CFTR: variants seen among roughly 807,000 people sequenced by gnomAD.
The protein encoded by CFTR is CF transmembrane conductance regulator.
CFTR carries 181 observed loss-of-function variants against 171.6 expected under a neutral mutation model. That is an observed-to-expected ratio of 1.05 (90% CI 0.93 to 1.19). The LOEUF (loss-of-function observed/expected upper bound fraction) is 1.19. Ranked by LOEUF, CFTR falls within the 50% of genes most tolerant of loss-of-function variation. The pLI is 0.00. For synonymous variants in CFTR, 583 were observed against 608.0 expected, an observed-to-expected ratio of 0.96 and a Z score of 0.60; for missense variants, 1,968 against 1,734.7, an observed-to-expected ratio of 1.13 and a Z score of -2.39.
chr7:117,510,579 A>G (rs921890320), intron 3 of CFTR, among the ~76,000 whole-genome samples: 2 of 152,214 alleles, frequency 1.3e-5, no homozygotes, highest in African/African-American at 4.8e-5. Flanking sequence ...CCTAAGCACT[A>G]CTGAGTAGAA....
chr7:117,628,774 G>A (rs1792693824), intron 22 of CFTR, among the ~76,000 whole-genome samples: 1 of 152,094 alleles, frequency 6.6e-6, no homozygotes, highest in Non-Finnish European at 1.5e-5. Context: ...TAGGATGTGC[G>A]AAAAGTCCCT....
chr7:117,553,402 C>T (rs1799302772), intron 10 of CFTR, among the ~76,000 whole-genome samples: 1 of 152,084 alleles, frequency 6.6e-6, no homozygotes, highest in African/African-American at 2.4e-5. Context: ...TATCATTTAG[C>T]ACATCTGCAA....
At chr7:117,661,983 GAAAAAAAAAAA>G (rs57319132) in intron 24 of CFTR, among the ~76,000 whole-genome samples, 8 of 87,538 alleles carry the variant, frequency 9.1e-5, no homozygotes, top group Non-Finnish European at 2.4e-5. Flanking sequence ...TAATTTTACT[GAAAAAAAAAAA>G]AAAAAAAAAA....
At chr7:117,642,416 TC>T in intron 22 of CFTR, 21 bp from the exon 23 acceptor site, 1 of 1,608,180 alleles carries the variant, frequency 6.2e-7, no homozygotes. Context: ...ACAGAAGTGA[TC>T]CCATCACTTT....
At chr7:117,615,366 A>G (rs1373215495) in intron 21 of CFTR, among the ~76,000 whole-genome samples, 1 of 151,936 alleles carries the variant, frequency 6.6e-6, no homozygotes, top group Non-Finnish European at 1.5e-5. Context: ...GAAGCTTTTA[A>G]GTTTAATAAA....
chr7:117,642,976 A>G (rs1308957139), intron 23 of CFTR, among the ~76,000 whole-genome samples: 1 of 152,168 alleles, frequency 6.6e-6, no homozygotes, highest in Admixed American at 6.6e-5. Context: ...AACACTTGGA[A>G]TCATGAGGTA....
chr7:117,589,403 T>G (rs1469430453), intron 12 of CFTR, among the ~76,000 whole-genome samples: 1 of 152,000 alleles, frequency 6.6e-6, no homozygotes, highest in African/African-American at 2.4e-5. Context: ...CTGAATACAA[T>G]TTTCTTTATT....
chr7:117,566,152 G>T (rs1791598008), intron 11 of CFTR, among the ~76,000 whole-genome samples: 2 of 152,168 alleles, frequency 1.3e-5, no homozygotes, highest in African/African-American at 2.4e-5. Context: ...AGGTATTTGA[G>T]GCCAGGCGTG....
intron 22 of CFTR, among the ~76,000 whole-genome samples, chr7:117,641,790 A>G (rs1792918986): frequency 6.6e-6 from 1 of 152,176 alleles, no homozygotes; most frequent in South Asian, 2.1e-4. Context: ...TCTTTTCCTT[A>G]CTATACATTT....
chr7:117,570,252 AAGAC>A (rs1245796396), intron 11 of CFTR, among the ~76,000 whole-genome samples: 1 of 152,102 alleles, frequency 6.6e-6, no homozygotes. Flanking sequence ...AAGAGGCAGA[AAGAC>A]AGAAGGTCCT....
rs1554392764 is a variant in CFTR, at chr7:117,614,610, T to TAGGAGA, written c.3376_3381dup. On this transcript the variant is annotated splice_polypyrimidine_tract_variant and splice_region_variant and intron_variant, in intron 20 of 26. Coordinates refer to ENST00000003084, the MANE Select transcript of CFTR (RefSeq NM_000492.4). Reference sequence around the variant, plus strand: ...TTCATTTACGTCTTTTGTGCATCTATAGGAGAAGGAGAAGGAAGAGTTGGT... The same window carrying TAGGAGA: ...TTCATTTACGTCTTTTGTGCATCTATAGGAGAAGGAGAAGGAGAAGGAAGAGTTGGT... The TAGGAGA allele has an allele frequency of 6.3e-7, 1 of 1,594,968 alleles. No homozygotes were observed. Among genetic ancestry groups the TAGGAGA allele is most frequent in the South Asian group, 1.1e-5 (1 of 90,694 alleles).
In CFTR at chr7:117,534,493, T is replaced by C. The variant is rs189167747; in HGVS notation, c.579+128T>C. Reference sequence around the variant, plus strand: ...TCTTGCTCAGCTCTAGCTTCCCTATTCTGGAAACTAAGAAAGGTCAATTGT... The same window carrying C: ...TCTTGCTCAGCTCTAGCTTCCCTATCCTGGAAACTAAGAAAGGTCAATTGT... On this transcript the variant is annotated intron_variant, in intron 5 of 26. Transcript: ENST00000003084. The C allele has an allele frequency of 2.5e-4, 172 of 675,014 alleles. 1 individual carries two copies. The highest frequency in any genetic ancestry group is 2.4e-3 in the African/African-American group (137 of 56,276). 41.8% of individuals were successfully genotyped at this position (675,014 alleles called of 1,614,324 possible). A position where few individuals can be genotyped will look rare whatever the true frequency, so the allele number is the denominator to read the frequency against.
intron 24 of CFTR, among the ~76,000 whole-genome samples, chr7:117,659,789 C>T (rs1793238734): frequency 6.6e-6 from 1 of 152,300 alleles, no homozygotes; most frequent in East Asian, 1.9e-4. Flanking sequence ...GAAATAGTGG[C>T]CTTTTAAGTT....
chr7:117,583,210 G>A (rs1791875078), intron 11 of CFTR, among the ~76,000 whole-genome samples: 1 of 152,018 alleles, frequency 6.6e-6, no homozygotes, highest in African/African-American at 2.4e-5. Flanking sequence ...TTGGGCTACA[G>A]GTGGTTTTTG....
chr7:117,490,312 T>TATAC (rs370571182), intron 1 of CFTR, among the ~76,000 whole-genome samples: 1 of 136,788 alleles, frequency 7.3e-6, no homozygotes, highest in African/African-American at 2.7e-5. Context: ...GAACCAATGA[T>TATAC]ACACACACAC....
At chr7:117,638,473 C>T (rs370043432) in intron 22 of CFTR, among the ~76,000 whole-genome samples, 12 of 152,194 alleles carry the variant, frequency 7.9e-5, no homozygotes, top group African/African-American at 2.4e-4. Context: ...GTTCTGCTCA[C>T]GCCTGTAATT....
chr7:117,506,213 A>G (rs1401992554), intron 2 of CFTR, among the ~76,000 whole-genome samples: 2 of 152,146 alleles, frequency 1.3e-5, no homozygotes, highest in Non-Finnish European at 2.9e-5. Flanking sequence ...TCAAAATAAT[A>G]TAATGGGTAT....
intron 12 of CFTR, among the ~76,000 whole-genome samples, chr7:117,588,479 C>G (rs1791979492): frequency 6.6e-6 from 1 of 152,094 alleles, no homozygotes; most frequent in Admixed American, 6.6e-5. Flanking sequence ...TTATTGGTGA[C>G]TCTGATGTCA....
At chr7:117,490,611 CTCA>C (rs1041899232) in intron 1 of CFTR, among the ~76,000 whole-genome samples, 8 of 152,012 alleles carry the variant, frequency 5.3e-5, no homozygotes, top group African/African-American at 1.7e-4. Flanking sequence ...AAATGTTAAT[CTCA>C]TCCAAAAACA....
Sources: allele counts gnomAD v4.1 joint callset (sites outside exome capture counted in the v4.1 genomes callset), GRCh38; gene constraint gnomAD v4.1.1; transcripts MANE v1.5; gene names NCBI Gene and HGNC (gene_info 2026-07-23, HGNC 2026-07-21).